Variants in SKP2 observed in about 807,000 individuals in gnomAD.
SKP2 encodes S-phase kinase-associated protein 2.
SKP2 carries 16 observed loss-of-function variants against 51.8 expected under a neutral mutation model. That is an observed-to-expected ratio of 0.31 (90% confidence interval 0.21 to 0.47). The LOEUF is 0.47. Ranked by LOEUF, SKP2 falls within the 20% of genes least tolerant of loss-of-function variation. The probability of loss-of-function intolerance (pLI) is 1.00; values close to 1 mark genes in which losing one functional copy is unlikely to be tolerated. For synonymous variants in SKP2, 176 were observed against 198.6 expected (o/e 0.89, Z 0.96); for missense variants, 377 against 505.3 (o/e 0.75, Z 2.43).
chr5:36,159,355 C>T (rs1318616998), intron 2 of SKP2, among the ~76,000 whole-genome samples: 1 of 152,190 alleles, frequency 6.6e-6, no homozygotes, highest in African/African-American at 2.4e-5. Context: ...CTTATGTCTT[C>T]CTAATAGAAA....
chr5:36,152,645 A>C lies in SKP2; in HGVS notation c.9-126A>C. The C allele has an allele frequency of 2.9e-6, 3 of 1,018,476 alleles. No individual in the cohort carries two copies. The South Asian group carries it at 4.8e-5, about 16-fold the overall frequency. 63.1% of individuals were successfully genotyped at this position (1,018,476 alleles called of 1,614,324 possible). On this transcript the variant is annotated intron_variant, in intron 1 of 9. Coordinates refer to ENST00000274255, the MANE Select transcript of SKP2 (RefSeq NM_005983.4). ...TGGTAACTCGCCGCAGGCACATAAA[A>C]AATGCGATTCTGTTAGCTGCTGTGA...
intron 7 of SKP2, chr5:36,193,517 G>A (rs1746104150): frequency 6.7e-6 from 1 of 149,444 alleles, no homozygotes; most frequent in South Asian, 2.1e-4. Flanking sequence ...AAGCCTGTTA[G>A]GGGAGGTTCT....
chr5:36,168,571 G>T, intron 5 of SKP2, 124 bp downstream of exon 5: 1 of 889,302 alleles, frequency 1.1e-6, no homozygotes, highest in South Asian at 1.6e-5. Flanking sequence ...CTAGTGCAGT[G>T]CTCTAGCTTC....
chr5:36,153,227 T>G (rs866722707), intron 2 of SKP2, among the ~76,000 whole-genome samples, 185 bp downstream of exon 2: 2 of 148,166 alleles, frequency 1.3e-5, no homozygotes, highest in East Asian at 2.0e-4. Context: ...TATATATATA[T>G]ATATATATAT....
At chr5:36,187,313 T>C (rs1745964960), downstream of SKP2, among the ~76,000 whole-genome samples, 1 of 152,216 alleles carries the variant, frequency 6.6e-6, no homozygotes, top group Non-Finnish European at 1.5e-5. Context: ...CTCTAGTTCT[T>C]TCAATTGTGA....
At chr5:36,168,254 G>C (rs1182427853) in intron 4 of SKP2, 59 bp from the exon 5 acceptor site, 1 of 1,563,528 alleles carries the variant, frequency 6.4e-7, no homozygotes, top group African/African-American at 1.4e-5. Context: ...GGTCTGGTTT[G>C]AAATTGGATG....
intron 5 of SKP2, among the ~76,000 whole-genome samples, chr5:36,169,453 AAT>A (rs2111983206): frequency 6.6e-6 from 1 of 151,660 alleles, no homozygotes; most frequent in African/African-American, 2.4e-5. Context: ...CTGAAAAAAA[AAT>A]AAAAAAAGGG....
chr5:36,182,745 A>C lies in SKP2; in HGVS notation c.*714A>C. 1.0e-6 allele frequency: 1 copy of C among 981,200 alleles called. No individual in the cohort carries two copies. Among genetic ancestry groups the C allele is most frequent in the Non-Finnish European group, 1.2e-6 (1 of 826,080 alleles). 60.8% of individuals were successfully genotyped at this position (981,200 alleles called of 1,614,324 possible). On this transcript the variant is annotated 3_prime_UTR_variant, in exon 10 of 10. Transcript: ENST00000274255. ...AGTATCCTGTAATGTTCATTAAGTT[A>C]CTGTGTTTCCAGAATCTAAATTAGA...
At chr5:36,159,348 A>T (rs1745052271) in intron 2 of SKP2, among the ~76,000 whole-genome samples, 1 of 152,148 alleles carries the variant, frequency 6.6e-6, no homozygotes, top group African/African-American at 2.4e-5. Flanking sequence ...CTGATTTCTT[A>T]TGTCTTCCTA....
downstream of SKP2, among the ~76,000 whole-genome samples, chr5:36,188,126 T>A (rs565606540): frequency 6.6e-6 from 1 of 152,342 alleles, no homozygotes; most frequent in South Asian, 2.1e-4. Context: ...TATGTGTATC[T>A]CTGCACGTGA....
chr5:36,163,797 G>C (rs760372578), intron 3 of SKP2, 41 bp downstream of exon 3: 2 of 1,287,714 alleles, frequency 1.6e-6, no homozygotes, highest in South Asian at 2.4e-5. Context: ...AGGGGAGGAA[G>C]AGGAGAGGAA....
chr5:36,189,345 C>CT (rs965969465), intron 6 of SKP2, among the ~76,000 whole-genome samples: 13 of 152,102 alleles, frequency 8.5e-5, no homozygotes, highest in African/African-American at 2.9e-4. Context: ...TTTTCCCTAT[C>CT]TTTGTGGTTT....
intron 4 of SKP2, among the ~76,000 whole-genome samples, chr5:36,167,945 G>A (rs546102130): frequency 1.3e-5 from 2 of 151,872 alleles, no homozygotes; most frequent in African/African-American, 2.4e-5. Flanking sequence ...TTTCTCTTCC[G>A]CTACCTTCCC....
rs1331784817 is a variant in SKP2, at chr5:36,163,053, C to A, written c.281-592C>A. Among the ~76,000 whole-genome samples the A allele has an allele frequency of 1.2e-4, 18 of 152,164 alleles. 1 individual carries two copies. The highest frequency in any genetic ancestry group is 3.3e-4 in the Admixed American group (5 of 15,276). Reference sequence around the variant, plus strand: ...TTTGATTACCTCCCACTGGGTCCCTCCCGCAACACATGGGGATTATGGGAA... The same window carrying A: ...TTTGATTACCTCCCACTGGGTCCCTACCGCAACACATGGGGATTATGGGAA... On this transcript the variant is annotated intron_variant, in intron 2 of 9. Coordinates refer to ENST00000274255, the MANE Select transcript of SKP2 (RefSeq NM_005983.4).
At chr5:36,193,511 C>T (rs1191145751) in intron 7 of SKP2, 3 of 149,274 alleles carry the variant, frequency 2.0e-5, no homozygotes, top group African/African-American at 7.4e-5. Flanking sequence ...TATTTTAAGC[C>T]TGTTAGGGGA....
At chr5:36,175,117 A>T (rs1745591237) in intron 7 of SKP2, among the ~76,000 whole-genome samples, 1 of 152,118 alleles carries the variant, frequency 6.6e-6, no homozygotes, top group African/African-American at 2.4e-5. Context: ...TAGGCTGGTG[A>T]CACTTAAGGT....
At chr5:36,152,533 C>G (rs1744771677) in intron 1 of SKP2, among the ~76,000 whole-genome samples, 1 of 152,156 alleles carries the variant, frequency 6.6e-6, no homozygotes, top group African/African-American at 2.4e-5. Context: ...TGTCTGTTCC[C>G]TCCACTGGGA....
intron 3 of SKP2, among the ~76,000 whole-genome samples, chr5:36,165,836 C>T (rs1745266786): frequency 6.6e-6 from 1 of 152,168 alleles, no homozygotes. Flanking sequence ...AACCCTCTTA[C>T]TGTGCTATTC....
At chr5:36,154,747 C>T (rs530753242) in intron 2 of SKP2, among the ~76,000 whole-genome samples, 2 of 152,214 alleles carry the variant, frequency 1.3e-5, no homozygotes, top group South Asian at 4.1e-4. Flanking sequence ...CACCATCTTG[C>T]CCAGGCTGGT....
Sources: allele counts gnomAD v4.1 joint callset (sites outside exome capture counted in the v4.1 genomes callset), GRCh38; gene constraint gnomAD v4.1.1; transcripts MANE v1.5; gene names NCBI Gene and HGNC (gene_info 2026-07-23, HGNC 2026-07-21).